The following NRXN3 variants were observed in gnomAD, a reference collection of about 807,000 sequenced individuals.
NRXN3 encodes the protein neurexin III.
A neutral mutation model predicts 137.6 loss-of-function variants in NRXN3; 32 were observed. That is an observed-to-expected ratio of 0.23 (90% CI 0.18 to 0.31). The LOEUF is 0.31. Among genes scored for constraint, NRXN3 ranks in the 10% least tolerant of loss-of-function variants. NRXN3 has a pLI of 1.00. For missense variants in NRXN3, 1,574 were observed against 2,062.5 expected (o/e 0.76, Z 4.59); for synonymous variants, 798 against 784.5 (o/e 1.02, Z -0.29).
At chr14:79,499,956 CGTGTGT>C (rs35371414) in intron 16 of NRXN3, among the ~76,000 whole-genome samples, 1,746 of 145,196 alleles carry the variant, frequency 0.012, 16 homozygotes, top group East Asian at 0.028. Flanking sequence ...ATCTTAGGGT[CGTGTGT>C]GTGTGTGTGT....
intron 16 of NRXN3, among the ~76,000 whole-genome samples, chr14:79,499,809 C>T (rs2096801775): frequency 6.6e-6 from 1 of 152,104 alleles, no homozygotes; most frequent in Admixed American, 6.5e-5. Context: ...CTTCTACGAA[C>T]AAGGTAATGT....
At chr14:78,257,476 C>G (rs1187898693) in intron 2 of NRXN3, among the ~76,000 whole-genome samples, 2 of 152,172 alleles carry the variant, frequency 1.3e-5, no homozygotes. Context: ...TGTTACCATA[C>G]CTGGGTGTGG....
chr14:79,695,263 C>T (rs1457774701), intron 18 of NRXN3, among the ~76,000 whole-genome samples: 1 of 152,022 alleles, frequency 6.6e-6, no homozygotes, highest in East Asian at 1.9e-4. Context: ...ATAATAACAC[C>T]ACTGGAGAGA....
intron 16 of NRXN3, among the ~76,000 whole-genome samples, chr14:79,560,504 C>CTTTTGTTTTTTTTTTT (rs536703528): frequency 4.6e-5 from 2 of 43,770 alleles, no homozygotes; most frequent in Non-Finnish European, 8.1e-5. Context: ...AGATTGTAAG[C>CTTTTGTTTTTTTTTTT]TTTTTTTTTT....
intron 4 of NRXN3, among the ~76,000 whole-genome samples, chr14:78,393,414 T>C (rs990437444): frequency 3.9e-5 from 6 of 152,024 alleles, no homozygotes; most frequent in Non-Finnish European, 8.8e-5. Context: ...GTTACCCTCT[T>C]ATAGCCATAC....
chr14:79,442,511 T>C (rs950262401), intron 15 of NRXN3, among the ~76,000 whole-genome samples: 1 of 152,216 alleles, frequency 6.6e-6, no homozygotes, highest in African/African-American at 2.4e-5. Flanking sequence ...AAACTTTTGC[T>C]ATAACCTTGA....
intron 6 of NRXN3, among the ~76,000 whole-genome samples, chr14:78,682,951 T>A (rs543744469): frequency 6.6e-6 from 1 of 152,332 alleles, no homozygotes; most frequent in East Asian, 1.9e-4. Flanking sequence ...GACTTAGTAA[T>A]ATGTCAGAAT....
intron 19 of NRXN3, among the ~76,000 whole-genome samples, chr14:79,718,854 T>G (rs1395265469): frequency 6.6e-6 from 1 of 152,184 alleles, no homozygotes; most frequent in Admixed American, 6.5e-5. Flanking sequence ...CTCTCTGTTG[T>G]GTTCATTCTA....
intron 8 of NRXN3, among the ~76,000 whole-genome samples, chr14:78,766,550 C>G (rs991172261): frequency 6.6e-6 from 1 of 152,180 alleles, no homozygotes; most frequent in Non-Finnish European, 1.5e-5. Flanking sequence ...TATCTGAAAT[C>G]AAATTTAATT....
At chr14:79,785,621 A>G (rs1179026203) in intron 19 of NRXN3, among the ~76,000 whole-genome samples, 2 of 151,980 alleles carry the variant, frequency 1.3e-5, no homozygotes, top group African/African-American at 2.4e-5. Flanking sequence ...TCTTTTTACT[A>G]TCATTTAAGG....
intron 15 of NRXN3, among the ~76,000 whole-genome samples, chr14:79,238,187 G>A (rs1290427525): frequency 6.6e-6 from 1 of 152,018 alleles, no homozygotes; most frequent in Admixed American, 6.6e-5. Context: ...TCACCACCTT[G>A]AAAGTTTTAA....
At chr14:78,933,934 C>T (rs763406368) in intron 10 of NRXN3, among the ~76,000 whole-genome samples, 7 of 150,972 alleles carry the variant, frequency 4.6e-5, no homozygotes, top group African/African-American at 9.7e-5. Flanking sequence ...CCACCCCCAA[C>T]CACCCCAGCT....
intron 19 of NRXN3, among the ~76,000 whole-genome samples, chr14:79,783,056 G>T (rs1434987801): frequency 6.6e-6 from 1 of 152,140 alleles, no homozygotes; most frequent in East Asian, 1.9e-4. Context: ...AAACAAAGGG[G>T]TTACATTACC....
intron 4 of NRXN3, among the ~76,000 whole-genome samples, chr14:78,527,042 A>G (rs2153808063): frequency 6.6e-6 from 1 of 152,354 alleles, no homozygotes. Context: ...TATTTAAGAG[A>G]GCACTTGGAT....
chr14:78,650,400 A>T (rs1318977063), intron 5 of NRXN3, among the ~76,000 whole-genome samples: 1 of 151,518 alleles, frequency 6.6e-6, no homozygotes, highest in Non-Finnish European at 1.5e-5. Context: ...AAAGGGTGCT[A>T]TTTCTTTTCT....
At chr14:78,645,029 G>T in intron 4 of NRXN3, 91 bp from the exon 5 acceptor site, 1 of 1,149,658 alleles carries the variant, frequency 8.7e-7, no homozygotes, top group Non-Finnish European at 1.2e-6. Context: ...GAACGGGGCA[G>T]TGCCCCTGCG....
intron 4 of NRXN3, among the ~76,000 whole-genome samples, chr14:78,348,313 A>T (rs1240710987): frequency 6.6e-6 from 1 of 152,194 alleles, no homozygotes; most frequent in Non-Finnish European, 1.5e-5. Flanking sequence ...CTTGGGGACA[A>T]AAGCCTCCCC....
chr14:79,033,708 G>A (rs1319185535), intron 15 of NRXN3, among the ~76,000 whole-genome samples: 1 of 152,098 alleles, frequency 6.6e-6, no homozygotes, highest in African/African-American at 2.4e-5. Flanking sequence ...GCCCTAAAGA[G>A]CTATAATAAG....
rs2069403834 is a variant in NRXN3 at position 78,255,447 on chromosome 14, C to T, written c.709+11645C>T. Among the ~76,000 whole-genome samples the T allele has an allele frequency of 2.0e-5, 3 of 152,182 alleles. No individual in the cohort carries two copies. The South Asian group carries it at 6.2e-4, about 32-fold the overall frequency. ...GTGGAAACTTTGCTATTTGCTCTTCCTGATGTTGAGTTTTCAGCCTTGTGT... is the reference window on the plus strand; with the variant it reads ...GTGGAAACTTTGCTATTTGCTCTTCTTGATGTTGAGTTTTCAGCCTTGTGT... On this transcript the variant is annotated intron_variant, in intron 2 of 20. Coordinates refer to ENST00000335750, the MANE Select transcript of NRXN3 (RefSeq NM_001330195.2).
Sources: gnomAD v4.1 joint callset for allele counts (sites outside exome capture counted in the v4.1 genomes callset) on GRCh38, gnomAD v4.1.1 for gene constraint, MANE v1.5 for transcripts, NCBI Gene and HGNC (gene_info 2026-07-23, HGNC 2026-07-21) for gene names.